MEGF11: variants seen among roughly 807,000 people sequenced by gnomAD.
The protein encoded by MEGF11 is multiple EGF like domains 11, also known as multiple epidermal growth factor-like domains protein 11.
Under a neutral mutation model 146.6 loss-of-function variants are expected in MEGF11, and 126 were observed. That is an observed-to-expected ratio of 0.86 (90% CI 0.74 to 1.00). MEGF11 has a LOEUF of 1.00. Among genes scored for constraint, MEGF11 ranks in the 50% least tolerant of loss-of-function variants. The probability of loss-of-function intolerance (pLI) is 0.00; values close to 1 mark genes in which losing one functional copy is unlikely to be tolerated. For synonymous variants in MEGF11, 532 were observed against 583.4 expected, an observed-to-expected ratio of 0.91 and a Z score of 1.27; for missense variants, 1,509 against 1,521.2, an observed-to-expected ratio of 0.99 and a Z score of 0.13.
chr15:65,955,814 A>ACACACAC (rs1290763810), intron 10 of MEGF11, among the ~76,000 whole-genome samples: 5 of 94,992 alleles, frequency 5.3e-5, no homozygotes, highest in Admixed American at 1.3e-4. Flanking sequence ...ACACACACAC[A>ACACACAC]ATACTTTAAA....
At chr15:65,955,761 A>AATATAT (rs1229131259) in intron 10 of MEGF11, among the ~76,000 whole-genome samples, 1 of 14,712 alleles carries the variant, frequency 6.8e-5, no homozygotes, top group African/African-American at 2.8e-4. Context: ...AAAAAAAAAA[A>AATATAT]ATATATATAT....
chr15:66,016,838 C>A (rs1456813665), intron 5 of MEGF11, among the ~76,000 whole-genome samples: 1 of 152,064 alleles, frequency 6.6e-6, no homozygotes, highest in Non-Finnish European at 1.5e-5. Context: ...TTGTCTGCTC[C>A]CTGTGAATGG....
At chr15:66,067,273 T>C (rs939158741) in intron 5 of MEGF11, among the ~76,000 whole-genome samples, 1 of 152,244 alleles carries the variant, frequency 6.6e-6, no homozygotes, top group African/African-American at 2.4e-5. Context: ...TGTACGTTAC[T>C]ACTGCAGTTA....
intron 9 of MEGF11, among the ~76,000 whole-genome samples, chr15:65,961,757 T>C (rs895846320): frequency 6.6e-6 from 1 of 152,180 alleles, no homozygotes. Context: ...GGGGCTGGGA[T>C]TACTTTTTCT....
intron 5 of MEGF11, among the ~76,000 whole-genome samples, chr15:66,056,042 T>G (rs773507344): frequency 6.6e-6 from 1 of 152,094 alleles, no homozygotes; most frequent in African/African-American, 2.4e-5. Flanking sequence ...AGCAGCACCA[T>G]ATGTGAGCGT....
chr15:66,100,602 A>G lies in MEGF11; in HGVS notation c.302-6108T>C, dbSNP rs143309991. The stretch of plus-strand genomic sequence containing the variant: ...CCTTACCTCACACATTCATTGCAAG[A>G]CTAAATCATTAACACTTGTAAACTG... On this transcript the variant is annotated intron_variant, in intron 4 of 25. Transcript: ENST00000395614. Among the ~76,000 whole-genome samples the G allele has an allele frequency of 1.1e-3, 162 of 152,270 alleles. 1 individual carries two copies. The highest frequency in any genetic ancestry group is 3.8e-3 in the African/African-American group (159 of 41,542).
intron 7 of MEGF11, among the ~76,000 whole-genome samples, chr15:65,975,353 T>C (rs1296410125): frequency 1.3e-5 from 2 of 152,204 alleles, no homozygotes; most frequent in Non-Finnish European, 2.9e-5. Context: ...CTGAGGTCAA[T>C]AGAGAAGTCT....
At chr15:65,916,700 G>C (rs1567155107) in intron 17 of MEGF11, 128 bp downstream of exon 17, 2 of 1,474,246 alleles carry the variant, frequency 1.4e-6, no homozygotes, top group Admixed American at 2.0e-5. Flanking sequence ...TGGGGCAGGA[G>C]TCAGGTACCA....
intron 5 of MEGF11, among the ~76,000 whole-genome samples, chr15:66,009,703 C>T (rs2082646659): frequency 6.6e-6 from 1 of 151,846 alleles, no homozygotes; most frequent in African/African-American, 2.4e-5. Context: ...CGCCATTCTC[C>T]TGCCTCAGCC....
chr15:66,055,180 C>T (rs747510238), intron 5 of MEGF11, among the ~76,000 whole-genome samples: 4 of 152,128 alleles, frequency 2.6e-5, no homozygotes, highest in Admixed American at 6.5e-5. Flanking sequence ...CAAACTGTAC[C>T]GGTTTAGCTC....
rs140505769 is a variant in MEGF11, at chr15:66,053,436, A to G, written c.394+40966T>C. On this transcript the variant is annotated intron_variant, in intron 5 of 25. Transcript: ENST00000395614. ...AACATGGCAGGGTCAAGTGGCTCAG[A>G]TAATTTTGAAATGTAGTATACATAG... 3.3e-3 allele frequency among the ~76,000 whole-genome samples: 504 copies of G among 152,270 alleles called. 4 individuals carry two copies. The highest frequency in any genetic ancestry group is 0.012 in the African/African-American group (485 of 41,546).
rs79995093 is a variant in MEGF11, at chr15:66,005,501, G to A, written c.395-23013C>T. 7.9e-3 allele frequency among the ~76,000 whole-genome samples: 1,196 copies of A among 152,300 alleles called. 17 individuals are homozygous for A. The highest frequency in any genetic ancestry group is 0.028 in the African/African-American group (1,152 of 41,562). On this transcript the variant is annotated intron_variant, in intron 5 of 25. Coordinates refer to ENST00000395614, the MANE Select transcript of MEGF11 (RefSeq NM_001385028.1). The stretch of plus-strand genomic sequence containing the variant: ...TGCTCCAGTAAGTATGCAGTGGAAC[G>A]ATCTCTCAAGGTGGGAAGCAAAAAA...
chr15:66,030,634 T>C (rs1328477964), intron 5 of MEGF11, among the ~76,000 whole-genome samples: 6 of 152,172 alleles, frequency 3.9e-5, no homozygotes, highest in Admixed American at 6.5e-5. Flanking sequence ...GGTCTCGAAC[T>C]CCTGACCTCA....
At chr15:65,901,038 C>G (rs2078483010) in intron 24 of MEGF11, among the ~76,000 whole-genome samples, 2 of 152,228 alleles carry the variant, frequency 1.3e-5, no homozygotes, top group South Asian at 4.1e-4. Context: ...GATGGCACAT[C>G]TGTGTATGGA....
intron 25 of MEGF11, chr15:65,898,496 T>C (rs2078408798): frequency 2.0e-6 from 2 of 985,370 alleles, no homozygotes; most frequent in Non-Finnish European, 2.4e-6. Flanking sequence ...ACCCCCAGTA[T>C]TTGTTTCATA....
intron 1 of MEGF11, among the ~76,000 whole-genome samples, chr15:66,179,348 G>A (rs571719446): frequency 9.9e-5 from 15 of 152,276 alleles, no homozygotes; most frequent in African/African-American, 3.4e-4. Flanking sequence ...GGCCAGGCTG[G>A]CCTTGAACTC....
chr15:66,106,748 G>A (rs997700243), intron 4 of MEGF11, among the ~76,000 whole-genome samples: 2 of 152,138 alleles, frequency 1.3e-5, no homozygotes, highest in Admixed American at 6.5e-5. Context: ...TATGCACCAC[G>A]TGGACACACA....
intron 5 of MEGF11, among the ~76,000 whole-genome samples, chr15:66,055,918 T>C (rs1032468283): frequency 7.9e-5 from 12 of 152,124 alleles, no homozygotes; most frequent in African/African-American, 2.9e-4. Flanking sequence ...AGAATGGGCT[T>C]TCTGACCATT....
chr15:66,206,760 A>AT (rs1433800908), intron 1 of MEGF11, among the ~76,000 whole-genome samples: 1 of 152,090 alleles, frequency 6.6e-6, no homozygotes, highest in African/African-American at 2.4e-5. Context: ...AAAATTAGCC[A>AT]GGCATGGTAG....
Sources: gnomAD v4.1 joint callset for allele counts (sites outside exome capture counted in the v4.1 genomes callset) on GRCh38, gnomAD v4.1.1 for gene constraint, MANE v1.5 for transcripts, NCBI Gene and HGNC (gene_info 2026-07-23, HGNC 2026-07-21) for gene names.